Variants in FBXO3 observed in about 807,000 individuals in gnomAD.
The protein encoded by FBXO3 is F-box only protein 3.
A neutral mutation model predicts 64.8 loss-of-function variants in FBXO3; 17 were observed. The observed-to-expected ratio is 0.26, with a 90% CI of 0.18 to 0.39. The LOEUF is 0.39. Ranked by LOEUF, FBXO3 falls within the 10% of genes least tolerant of loss-of-function variation. FBXO3 has a pLI of 1.00. For missense variants in FBXO3, 420 were observed against 589.9 expected (o/e 0.71, Z 2.98); for synonymous variants, 182 against 201.6 (o/e 0.90, Z 0.82).
At chr11:33,758,050 A>C (rs1476227806) in intron 4 of FBXO3, among the ~76,000 whole-genome samples, 2 of 152,208 alleles carry the variant, frequency 1.3e-5, no homozygotes, top group African/African-American at 4.8e-5. Flanking sequence ...TAATATGACA[A>C]AACAATTTTA....
chr11:33,756,341 G>A (rs926763916), intron 4 of FBXO3, among the ~76,000 whole-genome samples: 2 of 152,190 alleles, frequency 1.3e-5, no homozygotes, highest in Non-Finnish European at 2.9e-5. Context: ...CTCTGATGCT[G>A]TTATCTTGAT....
chr11:33,746,649 G>T, intron 10 of FBXO3: 1 of 896,302 alleles, frequency 1.1e-6, no homozygotes, highest in South Asian at 1.4e-5. Flanking sequence ...CTTGTCATAA[G>T]GTAACCCTAA....
At chr11:33,745,036 C>T (rs1854780890) in intron 10 of FBXO3, 1 of 152,096 alleles carries the variant, frequency 6.6e-6, no homozygotes, top group African/African-American at 2.4e-5. Context: ...CCAATAGTAA[C>T]TCAACTGCCT....
intron 4 of FBXO3, chr11:33,756,997 G>T (rs750829365): frequency 1.9e-6 from 1 of 518,672 alleles, no homozygotes; most frequent in South Asian, 1.4e-5. Context: ...ATCCCAAAGA[G>T]CTAGTTTCAG....
chr11:33,757,065 A>G (rs1352589441), intron 4 of FBXO3: 2 of 518,688 alleles, frequency 3.9e-6, no homozygotes, highest in Non-Finnish European at 7.7e-6. Context: ...TATAATCTCA[A>G]TGTGATCACC....
At chr11:33,758,736 G>A in intron 3 of FBXO3, 135 bp from the exon 4 acceptor site, 6 of 525,934 alleles carry the variant, frequency 1.1e-5, no homozygotes, top group Non-Finnish European at 1.5e-5. Context: ...GAAATAGAAG[G>A]AAATGAATTG....
chr11:33,771,940 T>C (rs959475660), intron 1 of FBXO3: 2 of 152,230 alleles, frequency 1.3e-5, no homozygotes, highest in African/African-American at 4.8e-5. Flanking sequence ...TGAAAACTAC[T>C]GTTCTAGAGA....
intron 4 of FBXO3, chr11:33,757,001 G>A (rs1214208381): frequency 1.9e-6 from 1 of 518,764 alleles, no homozygotes; most frequent in East Asian, 5.5e-5. Context: ...CAAAGAGCTA[G>A]TTTCAGGTGT....
intron 8 of FBXO3, 56 bp downstream of exon 8, chr11:33,750,483 G>A (rs888199247): frequency 1.1e-5 from 18 of 1,585,176 alleles, no homozygotes; most frequent in Non-Finnish European, 1.6e-5. Context: ...ATAGCAACAT[G>A]TCCATTGGAT....
chr11:33,769,029 A>T lies in FBXO3; in HGVS notation c.195-15T>A. ...TTTTCTCTTCCCTAAATAGATGAAA[A>T]ACATGAGATTTTAAATCTTTTAAAA... On this transcript the variant is annotated splice_polypyrimidine_tract_variant and intron_variant, in intron 2 of 10. Transcript: ENST00000265651. The T allele has an allele frequency of 6.3e-7, 1 of 1,582,914 alleles. No homozygotes were observed. The highest frequency in any genetic ancestry group is 1.2e-5 in the South Asian group (1 of 85,020).
At position 33,748,938 on chromosome 11, in the gene FBXO3, G is replaced by A. The variant is rs913848249; in HGVS notation, c.933-46C>T. 3 of 1,323,594 alleles carry A rather than the reference G, an allele frequency of 2.3e-6. No individual in the cohort carries two copies. The African/African-American group carries it at 4.4e-5, about 19-fold the overall frequency. 82.0% of individuals were successfully genotyped at this position (1,323,594 alleles called of 1,614,324 possible). ...GTAGAGACAAAAATCTGGCTTCTTT[G>A]TTTCTTTGGTTTAAGAGATACAGTA... is the stretch of plus-strand genomic sequence containing the variant. On this transcript the variant is annotated intron_variant, in intron 8 of 10. Coordinates refer to ENST00000265651, the MANE Select transcript of FBXO3 (RefSeq NM_012175.4).
At chr11:33,757,656 T>TAAAAAAAAAAAAAAAAAAAA (rs1170445394) in intron 4 of FBXO3, among the ~76,000 whole-genome samples, 5 of 23,980 alleles carry the variant, frequency 2.1e-4, no homozygotes, top group African/African-American at 4.7e-4. Flanking sequence ...CACCATCTCT[T>TAAAAAAAAAAAAAAAAAAAA]AAAAAAAAAA....
chr11:33,763,802 A>T (rs1487112362), intron 3 of FBXO3, among the ~76,000 whole-genome samples: 1 of 152,216 alleles, frequency 6.6e-6, no homozygotes, highest in East Asian at 1.9e-4. Context: ...GAAATACATG[A>T]TATATAAGGC....
intron 1 of FBXO3, 52 bp from the exon 2 acceptor site, chr11:33,770,882 T>A (rs777335212): frequency 2.2e-6 from 3 of 1,364,976 alleles, no homozygotes; most frequent in African/African-American, 1.4e-5. Flanking sequence ...GAAAACAATT[T>A]AAAAATAAAG....
rs2073076684 is a variant in FBXO3, at chr11:33,758,662, C to T, written c.359-61G>A. 9 of 1,142,946 alleles carry T rather than the reference C, an allele frequency of 7.9e-6. No individual in the cohort carries two copies. The Admixed American group carries it at 1.3e-4, about 16-fold the overall frequency. 70.8% of individuals were successfully genotyped at this position (1,142,946 alleles called of 1,614,324 possible). A position where few individuals can be genotyped will look rare whatever the true frequency, so the allele number is the denominator to read the frequency against. On this transcript the variant is annotated intron_variant, in intron 3 of 10. Coordinates refer to ENST00000265651, the MANE Select transcript of FBXO3 (RefSeq NM_012175.4). ...ACAGCCTTAAATCTAAGAAGAAATG[C>T]AATCTATCTGCTAACTAATGAAACA...
chr11:33,747,754 C>T (rs1203654984), intron 9 of FBXO3, among the ~76,000 whole-genome samples: 2 of 151,984 alleles, frequency 1.3e-5, no homozygotes, highest in Admixed American at 6.6e-5. Flanking sequence ...TCAGGTGATC[C>T]GCCCACCTTG....
At position 33,750,598 on chromosome 11, in the gene FBXO3, C is replaced by T. The variant is rs1435965287; in HGVS notation, c.873G>A (p.Ser291=). 5.6e-6 allele frequency: 9 copies of T among 1,613,816 alleles called. No individual in the cohort carries two copies. Among genetic ancestry groups the T allele is most frequent in the South Asian group, 3.3e-5 (3 of 91,072 alleles). ...GTACAGAGCTAAGTTCTGGCAGAAA[C>T]GATGTGGAAACTGACACAGTAATAT... is the stretch of plus-strand genomic sequence containing the variant. ...TGDITVSVST[S]FLPELSSVHP... Residue 291 remains serine, a synonymous_variant, in exon 8 of 11, where the codon TCG becomes TCA. Coordinates refer to ENST00000265651, the MANE Select transcript of FBXO3 (RefSeq NM_012175.4).
intron 1 of FBXO3, chr11:33,772,117 C>T (rs1410455933): frequency 6.6e-6 from 1 of 152,194 alleles, no homozygotes; most frequent in African/African-American, 2.4e-5. Context: ...CAGATCATCT[C>T]AATTCAAACT....
At chr11:33,764,505 G>A (rs747599674) in intron 3 of FBXO3, among the ~76,000 whole-genome samples, 2 of 152,020 alleles carry the variant, frequency 1.3e-5, no homozygotes, top group South Asian at 2.1e-4. Context: ...AGCATGTACC[G>A]CTGGATATAA....
Sources: allele counts gnomAD v4.1 joint callset (sites outside exome capture counted in the v4.1 genomes callset), GRCh38; gene constraint gnomAD v4.1.1; transcripts MANE v1.5; gene names NCBI Gene and HGNC (gene_info 2026-07-23, HGNC 2026-07-21).